Variants in PPP2R5B observed in about 807,000 individuals in gnomAD.
PPP2R5B encodes serine/threonine-protein phosphatase 2A 56 kDa regulatory subunit beta isoform.
Under a neutral mutation model 59.9 loss-of-function variants are expected in PPP2R5B, and 19 were observed. The observed-to-expected ratio is 0.32, with a 90% CI of 0.22 to 0.47. The LOEUF (loss-of-function observed/expected upper bound fraction) is 0.47, where lower values mean the gene tolerates loss of function less well. PPP2R5B is among the 20% of genes least tolerant of loss of function. The pLI is 1.00. For missense variants in PPP2R5B, 441 were observed against 640.2 expected, an observed-to-expected ratio of 0.69 and a Z score of 3.36; for synonymous variants, 286 against 260.5, an observed-to-expected ratio of 1.10 and a Z score of -0.94.
chr11:64,925,948 G>A lies in PPP2R5B; in HGVS notation c.199+15G>A. 1.2e-6 allele frequency: 2 copies of A among 1,607,404 alleles called. No homozygotes were observed. The highest frequency in any genetic ancestry group is 1.7e-6 in the Non-Finnish European group (2 of 1,178,100). On this transcript the variant is annotated intron_variant, in intron 2 of 13. Coordinates refer to ENST00000164133, the MANE Select transcript of PPP2R5B (RefSeq NM_006244.4). This position sits in a 1 kb window ranked among gnomAD's most constrained non-coding sequence, Gnocchi z 4.6. ...CCTGCTCAAAGGTGAGCTGGCTGCT[G>A]GCCACTGGGGGAACCGAACCCCCGA...
upstream of PPP2R5B, among the ~76,000 whole-genome samples, chr11:64,921,739 G>A (rs371555736): frequency 2.6e-4 from 39 of 152,306 alleles, no homozygotes; most frequent in South Asian, 7.9e-3. Flanking sequence ...GGTAGCTCAG[G>A]GGCAGCCAGG....
chr11:64,928,388 G>C lies in PPP2R5B; in HGVS notation c.685G>C (p.Ala229Pro), dbSNP rs772317762. 3 of 1,614,232 alleles carry C rather than the reference G, an allele frequency of 1.9e-6. No individual in the cohort carries two copies. Among genetic ancestry groups the C allele is most frequent in the Non-Finnish European group, 2.5e-6 (3 of 1,180,038 alleles). Residue 229 changes from alanine to proline, a missense_variant, in exon 6 of 14, where the codon GCC becomes CCC. By Grantham distance (27) the Ala-to-Pro change is conservative (BLOSUM62 -1). This residue lies in a region of PPP2R5B where 268 missense variants were observed against 488.1 expected (regional missense o/e 0.55). Coordinates refer to ENST00000164133, the MANE Select transcript of PPP2R5B (RefSeq NM_006244.4). ...CTATGGCAAGTTCCTGGGTCTCCGGGCCTACATCCGCAAACAGTGCAACCA... is the reference window on the plus strand; with the variant it reads ...CTATGGCAAGTTCCTGGGTCTCCGGCCCTACATCCGCAAACAGTGCAACCA... ...RVYGKFLGLR[A>P]YIRKQCNHIF...
chr11:64,919,770 G>A (rs1169742454), upstream of PPP2R5B, among the ~76,000 whole-genome samples: 2 of 151,882 alleles, frequency 1.3e-5, no homozygotes, highest in Non-Finnish European at 2.9e-5. Flanking sequence ...AAGCCTGTGT[G>A]ATGTCCTAGG....
rs972295407 is a variant in PPP2R5B, at chr11:64,932,376, G to A, written c.1117-389G>A. Among the ~76,000 whole-genome samples, 6 of 152,180 alleles carry A rather than the reference G, an allele frequency of 3.9e-5. No homozygotes were observed. The South Asian group carries it at 1.2e-3, about 31-fold the overall frequency. On this transcript the variant is annotated intron_variant, in intron 11 of 13. Transcript: ENST00000164133. ...TGGGCCATAACCCAGTGGAAGTCAA[G>A]TCTTCCTCACAGTGATTCTGGCACT...
Position 64,933,820 on chromosome 11 carries a change from G to A in PPP2R5B, c.1470G>A (p.Val490=), listed in dbSNP as rs1403585939. 9 of 1,548,462 alleles carry A rather than the reference G, an allele frequency of 5.8e-6. No individual in the cohort carries two copies. The highest frequency in any genetic ancestry group is 7.8e-6 in the Non-Finnish European group (9 of 1,146,552). ...EAPLQRLTPQ[V]AASGGQS ...CCCTCCAGCGGCTTACACCCCAGGT[G>A]GCCGCCAGTGGGGGTCAGAGCTAGA... The change falls in exon 14 of 14, where the codon GTG becomes GTA. Residue 490 remains valine (V), a synonymous_variant. Transcript: ENST00000164133.
chr11:64,924,270 T>A (rs1393335255), upstream of PPP2R5B: 1 of 152,386 alleles, frequency 6.6e-6, no homozygotes, highest in Non-Finnish European at 1.5e-5. Context: ...TCCAAGGGGT[T>A]TCTGAAGTGT....
At chr11:64,920,379 C>T (rs1396173490), upstream of PPP2R5B, among the ~76,000 whole-genome samples, 1 of 152,120 alleles carries the variant, frequency 6.6e-6, no homozygotes. Flanking sequence ...GTTCCCAGTG[C>T]CATGTGTGTA....
intron 1 of PPP2R5B, among the ~76,000 whole-genome samples, chr11:64,919,330 G>T (rs933381276): frequency 8.0e-6 from 1 of 125,222 alleles, no homozygotes; most frequent in Admixed American, 8.8e-5. Context: ...CTGACAGAGC[G>T]AGATTCTGTC....
intron 12 of PPP2R5B, 66 bp downstream of exon 12, chr11:64,932,958 C>T (rs2136691001): frequency 1.3e-6 from 2 of 1,592,552 alleles, no homozygotes; most frequent in South Asian, 2.2e-5. Context: ...CAGACCCGAC[C>T]CCAGGGTTAC....
At position 64,928,046 on chromosome 11, in the gene PPP2R5B, T is replaced by G; in HGVS notation, c.499-20T>G. 3 of 1,612,374 alleles carry G rather than the reference T, an allele frequency of 1.9e-6. No individual in the cohort carries two copies. Among genetic ancestry groups the G allele is most frequent in the Non-Finnish European group, 2.5e-6 (3 of 1,178,350 alleles). On this transcript the variant is annotated intron_variant, in intron 4 of 13. Transcript: ENST00000164133. ...GAGGCTGTTACTGAACTCACCTTTT[T>G]GTCTGTCCCCCTCCCCCAGCTGGTA...
At position 64,926,023 on chromosome 11, in the gene PPP2R5B, AAG is replaced by A. The variant is rs999066219; in HGVS notation, c.199+99_199+100del. ...GGGTGGGAGGCAGCGGGCAGCTGCC[AAG>A]AGAGAGAGTTTGGATACCCCTCCAG... On this transcript the variant is annotated intron_variant, in intron 2 of 13. Transcript: ENST00000164133. 205 of 1,338,712 alleles carry A rather than the reference AAG, an allele frequency of 1.5e-4. 1 individual carries two copies. The East Asian group carries it at 4.0e-3, about 26-fold the overall frequency. 82.9% of individuals were successfully genotyped at this position (1,338,712 alleles called of 1,614,324 possible).
chr11:64,922,747 C>T (rs1231672095), upstream of PPP2R5B, among the ~76,000 whole-genome samples: 7 of 151,612 alleles, frequency 4.6e-5, no homozygotes, highest in Non-Finnish European at 5.9e-5. Flanking sequence ...TGGTGGTGGG[C>T]GCCTGAAGTC....
At chr11:64,922,622 C>T (rs1945119968), upstream of PPP2R5B, among the ~76,000 whole-genome samples, 1 of 152,116 alleles carries the variant, frequency 6.6e-6, no homozygotes, top group Non-Finnish European at 1.5e-5. Flanking sequence ...CGCCTGTAAT[C>T]CCAGCACTTT....
At chr11:64,933,066 G>A (rs947161532) in intron 12 of PPP2R5B, 79 bp from the exon 13 acceptor site, 32 of 1,494,370 alleles carry the variant, frequency 2.1e-5, no homozygotes, top group Admixed American at 8.4e-5. Context: ...GTGGAATGCT[G>A]TATGTGAAGG....
Position 64,931,440 on chromosome 11 carries a change from C to T in PPP2R5B, c.896C>T (p.Ala299Val), listed in dbSNP as rs143547442. Residue 299 changes from alanine (A) to valine (V), a missense_variant, in exon 9 of 14, where the codon GCA becomes GTA. Physicochemically the swap from Ala to Val is moderately conservative, Grantham distance 64 (BLOSUM62 0). Transcript: ENST00000164133. The surrounding 1 kb of genome is among the most constrained non-coding windows in gnomAD (Gnocchi z 5.0). ...KSLSVFHAQL[A>V]YCVVQFLEKD... ...TCCACCTGTCACCCCCTGCAGCTGGCATACTGTGTGGTGCAGTTCCTGGAG... is the reference window on the plus strand; with the variant it reads ...TCCACCTGTCACCCCCTGCAGCTGGTATACTGTGTGGTGCAGTTCCTGGAG... The T allele has an allele frequency of 1.2e-6, 2 of 1,614,000 alleles. No individual in the cohort carries two copies. The highest frequency in any genetic ancestry group is 1.7e-6 in the Non-Finnish European group (2 of 1,179,990).
At position 64,925,788 on chromosome 11, in the gene PPP2R5B, G is replaced by T. The variant is rs1945156476; in HGVS notation, c.54G>T (p.Gly18=). 2 of 1,590,850 alleles carry T rather than the reference G, an allele frequency of 1.3e-6. No homozygotes were observed. Among genetic ancestry groups the T allele is most frequent in the South Asian group, 1.1e-5 (1 of 89,280 alleles). ...ASTPTSPSSP[G]LSPVPPPDKV... is the part of the protein sequence containing the mutation. Reference sequence around the variant, plus strand: ...CCCCCACTAGCCCCTCCTCCCCCGGGCTGTCGCCTGTGCCCCCACCCGACA... The same window carrying T: ...CCCCCACTAGCCCCTCCTCCCCCGGTCTGTCGCCTGTGCCCCCACCCGACA... Residue 18 remains glycine (G), a synonymous_variant, in exon 2 of 14, where the codon GGG becomes GGT. Coordinates refer to ENST00000164133, the MANE Select transcript of PPP2R5B (RefSeq NM_006244.4). The surrounding 1 kb of genome is among the most constrained non-coding windows in gnomAD (Gnocchi z 4.6).
In PPP2R5B at chr11:64,927,344, G is replaced by A. The variant is rs77005521; in HGVS notation, c.396+436G>A. Reference sequence around the variant, plus strand: ...CCAGCCCCTGGCCCAGGGCTTGCACGAACTAGGCGTTCAGGTGATGATTGC... The same window carrying A: ...CCAGCCCCTGGCCCAGGGCTTGCACAAACTAGGCGTTCAGGTGATGATTGC... On this transcript the variant is annotated intron_variant, in intron 3 of 13. Transcript: ENST00000164133. 7.7e-3 allele frequency among the ~76,000 whole-genome samples: 1,174 copies of A among 152,308 alleles called. 19 individuals are homozygous for A. Among genetic ancestry groups the A allele is most frequent in the African/African-American group, 0.027 (1,128 of 41,566 alleles).
rs1362830236 is a variant in PPP2R5B at position 64,933,815 on chromosome 11, C to T, written c.1465C>T (p.Gln489Ter). ...GGCCCCCCTCCAGCGGCTTACACCC[C>T]AGGTGGCCGCCAGTGGGGGTCAGAG... ...KEAPLQRLTP[Q>*]VAASGGQS Residue 489 changes from glutamine (Q) to a stop codon, truncating the protein, a stop_gained, in exon 14 of 14, where the codon CAG becomes TAG. Transcript: ENST00000164133. LOFTEE classifies it high-confidence loss of function. 1.9e-6 allele frequency: 3 copies of T among 1,549,428 alleles called. No homozygotes were observed. The highest frequency in any genetic ancestry group is 2.6e-6 in the Non-Finnish European group (3 of 1,146,932).
intron 1 of PPP2R5B, among the ~76,000 whole-genome samples, chr11:64,918,023 A>G (rs556317293): frequency 6.6e-6 from 1 of 152,340 alleles, no homozygotes; most frequent in African/African-American, 2.4e-5. Flanking sequence ...CTTTGAGCTA[A>G]GTATGGTTTT....
Sources: gnomAD v4.1 joint callset for allele counts (sites outside exome capture counted in the v4.1 genomes callset) on GRCh38, gnomAD v4.1.1 for gene constraint, gnomAD v4.1.1 regional missense constraint, Gnocchi (gnomAD v3.1) non-coding constraint, MANE v1.5 for transcripts, NCBI Gene and HGNC (gene_info 2026-07-23, HGNC 2026-07-21) for gene names.